MGAT5: variants seen among roughly 807,000 people sequenced by gnomAD.
The protein encoded by MGAT5 is alpha-1,6-mannosylglycoprotein 6-beta-N-acetylglucosaminyltransferase A.
A neutral mutation model predicts 94.3 loss-of-function variants in MGAT5; 30 were observed. The ratio of observed to expected loss-of-function variants is 0.32; its 90% CI spans 0.24 to 0.43. The LOEUF (loss-of-function observed/expected upper bound fraction) is 0.43, where lower values mean the gene tolerates loss of function less well. MGAT5 is among the 20% of genes least tolerant of loss of function. The pLI, the probability that MGAT5 is intolerant of heterozygous loss-of-function variation, is 1.00. For synonymous variants in MGAT5, 310 were observed against 322.9 expected (o/e 0.96, Z 0.43); for missense variants, 691 against 905.5 (o/e 0.76, Z 3.04).
Position 134,254,155 on chromosome 2 carries a change from TAA to T in MGAT5, c.-248_-247del. The T allele has an allele frequency of 1.7e-6, 1 of 582,136 alleles. No individual in the cohort carries two copies. Among genetic ancestry groups the T allele is most frequent in the Non-Finnish European group, 3.0e-6 (1 of 329,132 alleles). The allele number at this position is 582,136 out of a possible 1,614,324, so 36.1% of individuals were successfully genotyped here. ...TCATAAGATATTGAACCAGCAAATTTAAGAGTTGACATTTTACTTAGAGGTAT... is the reference window on the plus strand; with the variant it reads ...TCATAAGATATTGAACCAGCAAATTTGAGTTGACATTTTACTTAGAGGTAT... On this transcript the variant is annotated 5_prime_UTR_variant, in exon 1 of 16. Transcript: ENST00000281923.
chr2:134,197,848 G>T (rs1048113850), intron 1 of MGAT5, among the ~76,000 whole-genome samples: 18 of 152,020 alleles, frequency 1.2e-4, no homozygotes, highest in Non-Finnish European at 1.6e-4. Flanking sequence ...CTGAAATAAA[G>T]GAGAAAAAAA....
At chr2:134,129,997 A>C (rs954100341) in intron 1 of MGAT5, among the ~76,000 whole-genome samples, 4 of 152,142 alleles carry the variant, frequency 2.6e-5, no homozygotes, top group Admixed American at 6.5e-5. Context: ...CGCAAGTTCC[A>C]GGTGGGCGTG....
Position 134,196,529 on chromosome 2 carries a change from A to G in MGAT5, c.-142-57733A>G, listed in dbSNP as rs147760723. 1.0e-3 allele frequency among the ~76,000 whole-genome samples: 152 copies of G among 152,362 alleles called. 2 individuals carry two copies. In the East Asian group the frequency reaches 0.025, roughly 25 times the overall value. On this transcript the variant is annotated intron_variant, in intron 1 of 16. Coordinates refer to the MGAT5 transcript ENST00000409645. ...TGATCATTTAAAAATATGACAGCCCAGATTTGTTAATGAGCTAGCAAATGG... is the reference window on the plus strand; with the variant it reads ...TGATCATTTAAAAATATGACAGCCCGGATTTGTTAATGAGCTAGCAAATGG...
chr2:134,422,789 C>A lies in MGAT5; in HGVS notation c.1678-14C>A. 1 of 1,607,090 alleles carries A rather than the reference C, an allele frequency of 6.2e-7. No individual in the cohort carries two copies. Among genetic ancestry groups the A allele is most frequent in the South Asian group, 1.1e-5 (1 of 90,878 alleles). On this transcript the variant is annotated splice_polypyrimidine_tract_variant and intron_variant, in intron 12 of 15. Coordinates refer to ENST00000281923, the MANE Select transcript of MGAT5 (RefSeq NM_002410.5). ...AAATTGCTTGTGAGACTGAGGTGTTCGGTTCTTTTCCAGCTGACATCCCAG... is the reference window on the plus strand; with the variant it reads ...AAATTGCTTGTGAGACTGAGGTGTTAGGTTCTTTTCCAGCTGACATCCCAG...
At chr2:134,311,084 T>C (rs565556613) in intron 2 of MGAT5, among the ~76,000 whole-genome samples, 25 of 152,350 alleles carry the variant, frequency 1.6e-4, no homozygotes, top group African/African-American at 5.5e-4. Flanking sequence ...AAAATATCTT[T>C]AGAGTGTCAT....
chr2:134,131,717 C>T (rs569505990), intron 1 of MGAT5, among the ~76,000 whole-genome samples: 9 of 151,898 alleles, frequency 5.9e-5, no homozygotes, highest in Middle Eastern at 3.4e-3. Context: ...CCTGGTCCCC[C>T]GCCCCCTTTT....
At chr2:134,221,349 T>C (rs1680759453) in intron 1 of MGAT5, among the ~76,000 whole-genome samples, 1 of 152,160 alleles carries the variant, frequency 6.6e-6, no homozygotes, top group Admixed American at 6.5e-5. Context: ...TGGTTGACAA[T>C]TGGTTGAGTT....
chr2:134,189,608 T>TTTTTTTTTTTTTTG (rs1558978173), intron 1 of MGAT5, among the ~76,000 whole-genome samples: 6 of 92,342 alleles, frequency 6.5e-5, no homozygotes, highest in Non-Finnish European at 8.8e-5. Context: ...TTTTGTTTTT[T>TTTTTTTTTTTTTTG]TTTTTTTTTT....
intron 7 of MGAT5, among the ~76,000 whole-genome samples, chr2:134,343,459 G>A (rs1271045900): frequency 6.6e-5 from 10 of 152,158 alleles, no homozygotes; most frequent in Admixed American, 6.6e-4. Context: ...CTGGGGTCAG[G>A]GCTAGATGTG....
chr2:134,177,892 A>G (rs1366124446), intron 1 of MGAT5, among the ~76,000 whole-genome samples: 1 of 152,198 alleles, frequency 6.6e-6, no homozygotes, highest in African/African-American at 2.4e-5. Context: ...CGGTTCTCAA[A>G]AAGTACACAG....
At chr2:134,151,252 G>T (rs62165681) in intron 1 of MGAT5, among the ~76,000 whole-genome samples, 25,274 of 107,464 alleles carry the variant, frequency 0.24, 2,053 homozygotes, top group Middle Eastern at 0.33. Context: ...TATGGGAGCC[G>T]CCCACTGCCA....
chr2:134,340,340 A>G (rs1414627842), intron 6 of MGAT5, among the ~76,000 whole-genome samples: 1 of 152,186 alleles, frequency 6.6e-6, no homozygotes, highest in Non-Finnish European at 1.5e-5. Context: ...TGTCAGGCAC[A>G]TCTGTCTACC....
At chr2:134,276,860 C>A (rs933017848) in intron 2 of MGAT5, among the ~76,000 whole-genome samples, 1 of 152,104 alleles carries the variant, frequency 6.6e-6, no homozygotes, top group Non-Finnish European at 1.5e-5. Flanking sequence ...AATTTGAGAC[C>A]CACGTTAGGG....
chr2:134,429,960 G>C (rs1684796189), intron 14 of MGAT5, among the ~76,000 whole-genome samples: 1 of 152,126 alleles, frequency 6.6e-6, no homozygotes, highest in Non-Finnish European at 1.5e-5. Context: ...ATCAAGATTT[G>C]ATACAGTTTG....
At chr2:134,360,426 C>G (rs987283050) in intron 9 of MGAT5, among the ~76,000 whole-genome samples, 2 of 151,986 alleles carry the variant, frequency 1.3e-5, no homozygotes, top group African/African-American at 4.8e-5. Context: ...GAAATAAAAC[C>G]CATTGTTTCA....
At chr2:134,301,591 C>T (rs539140738) in intron 2 of MGAT5, among the ~76,000 whole-genome samples, 4 of 151,956 alleles carry the variant, frequency 2.6e-5, no homozygotes, top group Non-Finnish European at 5.9e-5. Context: ...GCAGAACTGC[C>T]AAGAGAGGCG....
rs539059627 is a variant in MGAT5, at chr2:134,418,607, C to T, written c.1678-4196C>T. Among the ~76,000 whole-genome samples the T allele has an allele frequency of 5.3e-5, 8 of 152,174 alleles. No individual in the cohort carries two copies. In the South Asian group the frequency reaches 8.3e-4, roughly 16 times the overall value. The stretch of plus-strand genomic sequence containing the variant: ...ATATGAAAGAGTTATAGGACAAATG[C>T]ATAATCAGTGGAAGTGCATGAAGAA... On this transcript the variant is annotated intron_variant, in intron 12 of 15. Coordinates refer to ENST00000281923, the MANE Select transcript of MGAT5 (RefSeq NM_002410.5).
intron 10 of MGAT5, among the ~76,000 whole-genome samples, chr2:134,401,836 G>C (rs985066231): frequency 1.3e-5 from 2 of 152,196 alleles, no homozygotes; most frequent in African/African-American, 4.8e-5. Context: ...CAGTCATGAA[G>C]ACTTTTGATA....
At chr2:134,402,788 A>G (rs1386198956) in intron 10 of MGAT5, among the ~76,000 whole-genome samples, 200 bp from the exon 11 acceptor site, 2 of 152,272 alleles carry the variant, frequency 1.3e-5, no homozygotes, top group Non-Finnish European at 2.9e-5. Flanking sequence ...TACAATGGCT[A>G]TATGACTGTT....
Sources: allele counts gnomAD v4.1 joint callset (sites outside exome capture counted in the v4.1 genomes callset), GRCh38; gene constraint gnomAD v4.1.1; transcripts MANE v1.5; gene names NCBI Gene and HGNC (gene_info 2026-07-23, HGNC 2026-07-21).